The following ALMS1 variants were observed in gnomAD, a reference collection of about 807,000 sequenced individuals.
ALMS1 encodes ALMS1 centrosome and basal body associated protein.
Under a neutral mutation model 352.2 loss-of-function variants are expected in ALMS1, and 271 were observed. The observed-to-expected ratio is 0.77, with a 90% confidence interval of 0.70 to 0.85. The LOEUF is 0.85. Among genes scored for constraint, ALMS1 ranks in the 40% least tolerant of loss-of-function variants. The probability of loss-of-function intolerance (pLI) is 0.00; values close to 1 mark genes in which losing one functional copy is unlikely to be tolerated. For missense variants in ALMS1, 5,445 were observed against 4,870.7 expected (o/e 1.12, Z -3.51); for synonymous variants, 1,865 against 1,761.2 (o/e 1.06, Z -1.48).
At chr2:73,463,942 A>T (rs372127350) in intron 9 of ALMS1, among the ~76,000 whole-genome samples, 299 of 152,336 alleles carry the variant, frequency 2.0e-3, no homozygotes, top group African/African-American at 6.6e-3. Context: ...TCTGAAATTG[A>T]GGCAATAATC....
chr2:73,520,387 C>T (rs1302509970), intron 11 of ALMS1, among the ~76,000 whole-genome samples: 2 of 151,938 alleles, frequency 1.3e-5, no homozygotes, highest in Non-Finnish European at 2.9e-5. Context: ...CTATATAGTG[C>T]GTATATAGGG....
chr2:73,567,973 T>C (rs1674837212), intron 15 of ALMS1, among the ~76,000 whole-genome samples: 1 of 152,036 alleles, frequency 6.6e-6, no homozygotes, highest in African/African-American at 2.4e-5. Flanking sequence ...TTTTAAAAAA[T>C]TGAGAAACTG....
At chr2:73,507,003 A>G (rs13385564) in intron 10 of ALMS1, among the ~76,000 whole-genome samples, 4 of 151,762 alleles carry the variant, frequency 2.6e-5, no homozygotes, top group Admixed American at 6.6e-5. Flanking sequence ...GTTGAATTTT[A>G]TCGAAGGCCT....
chr2:73,529,241 A>G (rs1375303379), intron 11 of ALMS1, among the ~76,000 whole-genome samples: 1 of 151,810 alleles, frequency 6.6e-6, no homozygotes, highest in African/African-American at 2.4e-5. Context: ...ACGGGGTTTC[A>G]CCATGTTGGC....
chr2:73,442,622 C>T (rs1287296016), intron 7 of ALMS1, among the ~76,000 whole-genome samples: 1 of 152,136 alleles, frequency 6.6e-6, no homozygotes, highest in East Asian at 1.9e-4. Flanking sequence ...TGATTGTTTG[C>T]TAACTGAAGA....
chr2:73,450,353 A>C lies in ALMS1; in HGVS notation c.3826A>C (p.Thr1276Pro). 1 of 1,613,244 alleles carries C rather than the reference A, an allele frequency of 6.2e-7. No individual in the cohort carries two copies. Among genetic ancestry groups the C allele is most frequent in the Non-Finnish European group, 8.5e-7 (1 of 1,179,798 alleles). The change falls in exon 8 of 23, where the codon ACT (threonine) becomes CCT (proline). Residue 1276 changes from threonine to proline, a missense_variant. Physicochemically the swap from Thr to Pro is conservative, Grantham distance 38. Coordinates refer to ENST00000613296, the MANE Select transcript of ALMS1 (RefSeq NM_001378454.1). ...TGCCTCTGAACCAGTTGACCAGACA[A>C]CTGGCACACCAGCTGTAACCTCTAC... Reference protein sequence around the residue: ...SVASEPVDQTTGTPAVTSTSY... With the variant: ...SVASEPVDQTPGTPAVTSTSY...
rs1188328539 is a variant in ALMS1, at chr2:73,490,684, C to T, written c.8725C>T (p.Gln2909Ter). Reference protein sequence around the residue: ...HVRKHHSPSPQHQDYVAPDLP... With the variant: ...HVRKHHSPSP The stretch of plus-strand genomic sequence containing the variant: ...GAGGAAACACCATTCTCCCTCTCCT[C>T]AACATCAGGATTATGTAGCTCCAGA... Residue 2909 changes from glutamine (Q) to a stop codon, truncating the protein, a stop_gained, in exon 10 of 23, where the codon CAA (glutamine) becomes TAA (stop). Transcript: ENST00000613296. LOFTEE classifies it high-confidence loss of function. 6.2e-7 allele frequency: 1 copy of T among 1,614,130 alleles called. No individual in the cohort carries two copies. Among genetic ancestry groups the T allele is most frequent in the South Asian group, 1.1e-5 (1 of 91,082 alleles).
At chr2:73,470,607 G>T (rs1209736511) in intron 9 of ALMS1, 4 of 151,602 alleles carry the variant, frequency 2.6e-5, no homozygotes, top group African/African-American at 9.7e-5. Context: ...CTATCCTGGA[G>T]AATGTTCTAT....
chr2:73,418,120 C>T (rs1319038188), intron 2 of ALMS1, among the ~76,000 whole-genome samples: 1 of 151,966 alleles, frequency 6.6e-6, no homozygotes, highest in African/African-American at 2.4e-5. Flanking sequence ...GTTATTTTTA[C>T]TGGTTTTAAA....
Position 73,385,845 on chromosome 2 carries a change from T to G in ALMS1, c.-24T>G. 1.5e-6 allele frequency: 1 copy of G among 681,968 alleles called. No homozygotes were observed. Among genetic ancestry groups the G allele is most frequent in the Non-Finnish European group, 2.7e-6 (1 of 376,360 alleles). The allele number at this position is 681,968 out of a possible 1,614,324, so 42.2% of individuals were successfully genotyped here. A position where few individuals can be genotyped will look rare whatever the true frequency, so the allele number is the denominator to read the frequency against. ...CCCTCCCCCCCTCCTCCTCCTCCTC[T>G]GCCGCCCAGAGCGAGACACCAACAT... is the stretch of plus-strand genomic sequence containing the variant. On this transcript the variant is annotated 5_prime_UTR_variant, in exon 1 of 23. Coordinates refer to ENST00000613296, the MANE Select transcript of ALMS1 (RefSeq NM_001378454.1).
chr2:73,428,098 A>G (rs917876604), intron 6 of ALMS1, among the ~76,000 whole-genome samples: 2 of 152,138 alleles, frequency 1.3e-5, no homozygotes, highest in Non-Finnish European at 2.9e-5. Flanking sequence ...CAAACTAGGC[A>G]TTTTTTAATT....
chr2:73,519,661 C>T lies in ALMS1; in HGVS notation c.9540-114C>T, dbSNP rs888491734. On this transcript the variant is annotated intron_variant, in intron 10 of 22. Transcript: ENST00000613296. ...TAATAACGTTTGACATTGATGTGTC[C>T]ACAATATATTCCTATAGCTACTTAA... 2.9e-6 allele frequency: 4 copies of T among 1,398,090 alleles called. No individual in the cohort carries two copies. In the African/African-American group the frequency reaches 5.8e-5, roughly 20 times the overall value. The allele number at this position is 1,398,090 out of a possible 1,614,324, so 86.6% of individuals were successfully genotyped here. A position where few individuals can be genotyped will look rare whatever the true frequency, so the allele number is the denominator to read the frequency against.
intron 17 of ALMS1, among the ~76,000 whole-genome samples, chr2:73,599,758 A>G (rs1378708078): frequency 3.9e-5 from 6 of 152,222 alleles, no homozygotes; most frequent in African/African-American, 1.4e-4. Context: ...TCACTGTGAA[A>G]GGCAATTTGA....
chr2:73,539,993 A>G (rs6708480), intron 12 of ALMS1, among the ~76,000 whole-genome samples: 7,277 of 152,280 alleles, frequency 0.048, 426 homozygotes, highest in African/African-American at 0.12. Flanking sequence ...AAGGCAGGCC[A>G]ACATTCACAT....
chr2:73,465,838 A>G (rs1290201712), intron 9 of ALMS1, among the ~76,000 whole-genome samples: 1 of 152,260 alleles, frequency 6.6e-6, no homozygotes, highest in Non-Finnish European at 1.5e-5. Flanking sequence ...ATGAACAGAC[A>G]CTTCTCAAAA....
At chr2:73,443,272 A>T (rs1671751390) in intron 7 of ALMS1, among the ~76,000 whole-genome samples, 1 of 152,108 alleles carries the variant, frequency 6.6e-6, no homozygotes, top group Non-Finnish European at 1.5e-5. Context: ...TTAGCCTTAT[A>T]CTTGCCTCTT....
chr2:73,504,285 T>C lies in ALMS1; in HGVS notation c.9539+12787T>C, dbSNP rs535058492. Among the ~76,000 whole-genome samples, 16 of 152,326 alleles carry C rather than the reference T, an allele frequency of 1.1e-4. No individual in the cohort carries two copies. The East Asian group carries it at 2.9e-3, about 28-fold the overall frequency. On this transcript the variant is annotated intron_variant, in intron 10 of 22. Transcript: ENST00000613296. ...ATGCACTCAGTTATTCTAATGCATA[T>C]ATGTGTAATTCTGTAAAATTTAAAC...
chr2:73,566,081 C>T (rs1674795179), intron 15 of ALMS1, among the ~76,000 whole-genome samples: 1 of 152,072 alleles, frequency 6.6e-6, no homozygotes, highest in Non-Finnish European at 1.5e-5. Context: ...ATAGGGGAAA[C>T]TGGGTATGGG....
At chr2:73,403,333 C>T (rs765963818) in intron 1 of ALMS1, among the ~76,000 whole-genome samples, 6 of 152,082 alleles carry the variant, frequency 3.9e-5, no homozygotes, top group African/African-American at 9.7e-5. Flanking sequence ...CAAAAATTAG[C>T]GAATCATATA....
Sources: gnomAD v4.1 joint callset for allele counts (sites outside exome capture counted in the v4.1 genomes callset) on GRCh38, gnomAD v4.1.1 for gene constraint, MANE v1.5 for transcripts, NCBI Gene and HGNC (gene_info 2026-07-23, HGNC 2026-07-21) for gene names.